MTUS1: variants seen among roughly 807,000 people sequenced by gnomAD.
MTUS1 encodes microtubule associated scaffold protein 1.
In MTUS1, 109 loss-of-function variants were observed where a neutral mutation model predicts 120.8. That is an observed-to-expected ratio of 0.90 (90% CI 0.77 to 1.06). The LOEUF (loss-of-function observed/expected upper bound fraction) is 1.06, where lower values mean the gene tolerates loss of function less well. Among genes scored for constraint, MTUS1 ranks in the 50% least tolerant of loss-of-function variants. MTUS1 has a pLI of 0.00. For synonymous variants in MTUS1, 737 were observed against 550.5 expected (o/e 1.34, Z -4.74); for missense variants, 2,210 against 1,486.3 (o/e 1.49, Z -8.01).
In MTUS1 at chr8:17,755,793, A is replaced by G; in HGVS notation, c.15T>C (p.Asn5=). 6.2e-7 allele frequency: 1 copy of G among 1,613,044 alleles called. No homozygotes were observed. The highest frequency in any genetic ancestry group is 2.2e-5 in the East Asian group (1 of 44,874). MTDD[N]SDDKIEDELQ... Reference sequence around the variant, plus strand: ...ATTCATCTTCTATTTTATCATCTGAATTATCATCAGTCATCCTGAATAGTA... The same window carrying G: ...ATTCATCTTCTATTTTATCATCTGAGTTATCATCAGTCATCCTGAATAGTA... The change falls in exon 2 of 15, where the codon AAT becomes AAC. Residue 5 remains asparagine (N), a synonymous_variant. Transcript: ENST00000693296.
intron 6 of MTUS1, among the ~76,000 whole-genome samples, chr8:17,709,289 A>G (rs1820798477): frequency 6.6e-6 from 1 of 152,122 alleles, no homozygotes; most frequent in African/African-American, 2.4e-5. Flanking sequence ...TTTTCTTTAC[A>G]CAACAGGCTC....
chr8:17,742,419 C>A (rs2047406711), intron 3 of MTUS1, among the ~76,000 whole-genome samples: 1 of 151,528 alleles, frequency 6.6e-6, no homozygotes, highest in Admixed American at 6.6e-5. Context: ...CCAGCCAGGA[C>A]TAGAGCTTTC....
At chr8:17,673,545 G>A (rs1812456181) in intron 8 of MTUS1, among the ~76,000 whole-genome samples, 1 of 152,148 alleles carries the variant, frequency 6.6e-6, no homozygotes, top group African/African-American at 2.4e-5. Context: ...TCGAACTCCT[G>A]GGCTCAAGCA....
rs2048572095 is a variant in MTUS1 at position 17,755,869 on chromosome 8, G to A, written c.-62C>T. ...CTTCTTCAATTCCTTTTAAATGAGA[G>A]GGTGGGCAAAATGGTCTGTCTTCTA... On this transcript the variant is annotated 5_prime_UTR_variant, in exon 2 of 15. Coordinates refer to ENST00000693296, the MANE Select transcript of MTUS1 (RefSeq NM_001363059.2). 31 of 1,541,394 alleles carry A rather than the reference G, an allele frequency of 2.0e-5. No individual in the cohort carries two copies. Among genetic ancestry groups the A allele is most frequent in the Non-Finnish European group, 2.6e-5 (30 of 1,149,928 alleles).
intron 1 of MTUS1, among the ~76,000 whole-genome samples, chr8:17,769,240 T>C (rs1337990484): frequency 1.3e-5 from 2 of 150,962 alleles, no homozygotes; most frequent in African/African-American, 4.9e-5. Context: ...TCCTTTTTTT[T>C]TTTTTTTTTT....
chr8:17,754,487 A>G lies in MTUS1; in HGVS notation c.1321T>C (p.Ser441Pro). The change falls in exon 2 of 15, where the codon TCT becomes CCT. Residue 441 changes from serine (S) to proline (P), a missense_variant. Ser to Pro is a moderately conservative substitution (Grantham distance 74). Transcript: ENST00000693296. ...TCCGTCGCTTCAATCGGTGAAACAG[A>G]AAAGGTTACTTTTGTGGGTTCTAGG... is the stretch of plus-strand genomic sequence containing the variant. Reference protein sequence around the residue: ...PVLEPTKVTFSVSPIEATEKC... With the variant: ...PVLEPTKVTFPVSPIEATEKC... 1 of 1,614,184 alleles carries G rather than the reference A, an allele frequency of 6.2e-7. No individual in the cohort carries two copies. Among genetic ancestry groups the G allele is most frequent in the Non-Finnish European group, 8.5e-7 (1 of 1,180,024 alleles).
chr8:17,709,145 A>G (rs527542707), intron 6 of MTUS1, among the ~76,000 whole-genome samples: 1 of 151,986 alleles, frequency 6.6e-6, no homozygotes, highest in African/African-American at 2.4e-5. Flanking sequence ...TCAAAAAAAA[A>G]AAAAGAAAAA....
intron 6 of MTUS1, among the ~76,000 whole-genome samples, chr8:17,709,393 C>T (rs7830863): frequency 0.49 from 75,092 of 151,776 alleles, 19,193 homozygotes; most frequent in African/African-American, 0.62. Context: ...TCCTAGAACT[C>T]AGTGCATTTG....
chr8:17,660,591 A>T (rs987820603), intron 8 of MTUS1, among the ~76,000 whole-genome samples: 3 of 152,134 alleles, frequency 2.0e-5, no homozygotes, highest in African/African-American at 7.2e-5. Context: ...ATTATTAATT[A>T]TTTGAAGGAC....
Position 17,785,510 on chromosome 8 carries a change from A to C in MTUS1, c.-155+15551T>G, listed in dbSNP as rs906874429. 2.0e-5 allele frequency among the ~76,000 whole-genome samples: 3 copies of C among 152,234 alleles called. No homozygotes were observed. The East Asian group carries it at 5.8e-4, about 29-fold the overall frequency. Reference sequence around the variant, plus strand: ...TTTTGCCAAGAGGGGCACTTCAGACAAAATTTGTACGACTGCCAACACATC... The same window carrying C: ...TTTTGCCAAGAGGGGCACTTCAGACCAAATTTGTACGACTGCCAACACATC... On this transcript the variant is annotated intron_variant, in intron 1 of 14. Transcript: ENST00000693296.
intron 7 of MTUS1, among the ~76,000 whole-genome samples, chr8:17,676,753 T>C (rs17125094): frequency 0.057 from 8,654 of 152,210 alleles, 455 homozygotes; most frequent in East Asian, 0.24. Flanking sequence ...TTGATCACAC[T>C]TACTAATAGA....
chr8:17,661,923 T>A lies in MTUS1; in HGVS notation c.2906-5858A>T, dbSNP rs577568242. Among the ~76,000 whole-genome samples, 23 of 152,296 alleles carry A rather than the reference T, an allele frequency of 1.5e-4. No homozygotes were observed. The East Asian group carries it at 3.7e-3, about 24-fold the overall frequency. ...ACTAATGGCTTTCGTTTGAAGGAAGTGGCCTGGGCTGCGAAGGAAACATTT... is the reference window on the plus strand; with the variant it reads ...ACTAATGGCTTTCGTTTGAAGGAAGAGGCCTGGGCTGCGAAGGAAACATTT... On this transcript the variant is annotated intron_variant, in intron 8 of 14. Coordinates refer to ENST00000693296, the MANE Select transcript of MTUS1 (RefSeq NM_001363059.2).
At chr8:17,756,042 T>TG in intron 1 of MTUS1, 81 bp from the exon 2 acceptor site, 1 of 778,678 alleles carries the variant, frequency 1.3e-6, no homozygotes, top group South Asian at 2.3e-5. Context: ...ACTAAGTGAT[T>TG]AGTTTCAATC....
chr8:17,669,861 C>G (rs551075045), intron 8 of MTUS1, among the ~76,000 whole-genome samples: 193 of 146,114 alleles, frequency 1.3e-3, no homozygotes, highest in African/African-American at 4.6e-3. Flanking sequence ...ACAAAAAAAA[C>G]AAAATGTCCA....
At chr8:17,726,829 A>C (rs552091614) in intron 3 of MTUS1, among the ~76,000 whole-genome samples, 1 of 152,258 alleles carries the variant, frequency 6.6e-6, no homozygotes, top group East Asian at 1.9e-4. Flanking sequence ...ACTAATAAGC[A>C]AGGTTGGGCA....
At chr8:17,738,894 T>C (rs1302311039) in intron 3 of MTUS1, among the ~76,000 whole-genome samples, 1 of 151,648 alleles carries the variant, frequency 6.6e-6, no homozygotes, top group Non-Finnish European at 1.5e-5. Context: ...ATCTCGGTAC[T>C]GTGGGAGGCC....
intron 7 of MTUS1, among the ~76,000 whole-genome samples, chr8:17,678,036 C>T (rs183427754): frequency 6.6e-6 from 1 of 152,226 alleles, no homozygotes; most frequent in Non-Finnish European, 1.5e-5. Context: ...ATGACCTCAT[C>T]GGATGGGAAG....
intron 4 of MTUS1, chr8:17,721,721 C>G: frequency 1.9e-6 from 3 of 1,559,334 alleles, no homozygotes; most frequent in Non-Finnish European, 2.6e-6. Context: ...CTTTTTTTCC[C>G]AGTAAACGTG....
intron 6 of MTUS1, among the ~76,000 whole-genome samples, chr8:17,712,540 T>G (rs963626973): frequency 1.3e-5 from 2 of 152,106 alleles, no homozygotes; most frequent in Non-Finnish European, 2.9e-5. Flanking sequence ...GGTTTCACCA[T>G]GTTGGCCAGG....
Sources: allele counts gnomAD v4.1 joint callset (sites outside exome capture counted in the v4.1 genomes callset), GRCh38; gene constraint gnomAD v4.1.1; transcripts MANE v1.5; gene names NCBI Gene and HGNC (gene_info 2026-07-23, HGNC 2026-07-21).